Variants in SLC2A13 observed in about 807,000 individuals in gnomAD.
SLC2A13 encodes the protein solute carrier family 2 member 13.
A neutral mutation model predicts 64.4 loss-of-function variants in SLC2A13; 32 were observed. The observed-to-expected ratio is 0.50, with a 90% CI of 0.37 to 0.67. The LOEUF (loss-of-function observed/expected upper bound fraction) is 0.67, where lower values mean the gene tolerates loss of function less well. Ranked by LOEUF, SLC2A13 falls within the 30% of genes least tolerant of loss-of-function variation. The probability of loss-of-function intolerance (pLI) is 0.00; values close to 1 mark genes in which losing one functional copy is unlikely to be tolerated. For synonymous variants in SLC2A13, 338 were observed against 327.1 expected, an observed-to-expected ratio of 1.03 and a Z score of -0.36; for missense variants, 743 against 829.2, an observed-to-expected ratio of 0.90 and a Z score of 1.28.
chr12:40,056,190 A>G (rs1948330869), intron 1 of SLC2A13, among the ~76,000 whole-genome samples: 1 of 151,892 alleles, frequency 6.6e-6, no homozygotes. Context: ...CATACACATT[A>G]GAATGGGAAG....
At chr12:39,829,010 A>G (rs554880201) in intron 7 of SLC2A13, among the ~76,000 whole-genome samples, 67 of 152,298 alleles carry the variant, frequency 4.4e-4, no homozygotes, top group Non-Finnish European at 7.6e-4. Flanking sequence ...ATTATACTTT[A>G]TAGCTCCTAT....
intron 7 of SLC2A13, among the ~76,000 whole-genome samples, chr12:39,783,376 G>A (rs1341496743): frequency 6.6e-6 from 1 of 152,164 alleles, no homozygotes; most frequent in Non-Finnish European, 1.5e-5. Context: ...AATTCTTTGG[G>A]TATATACCCA....
chr12:40,017,438 C>G (rs1255938128), intron 3 of SLC2A13, among the ~76,000 whole-genome samples: 1 of 152,218 alleles, frequency 6.6e-6, no homozygotes, highest in African/African-American at 2.4e-5. Flanking sequence ...TCTCCCTCTT[C>G]TTTAAGGATT....
At chr12:39,825,267 T>C (rs757312253) in intron 7 of SLC2A13, among the ~76,000 whole-genome samples, 1 of 152,112 alleles carries the variant, frequency 6.6e-6, no homozygotes. Context: ...TTTGTATATA[T>C]GGAGAGTCAG....
chr12:39,945,909 T>TGGG (rs144325427), intron 4 of SLC2A13, among the ~76,000 whole-genome samples: 2 of 149,414 alleles, frequency 1.3e-5, no homozygotes, highest in African/African-American at 4.9e-5. Flanking sequence ...CGTGATTTTT[T>TGGG]GTGGGGGGGT....
intron 6 of SLC2A13, among the ~76,000 whole-genome samples, chr12:39,838,516 AAAAAG>A (rs1943087826): frequency 6.6e-6 from 1 of 151,718 alleles, no homozygotes; most frequent in African/African-American, 2.4e-5. Context: ...TAAAAAAAAA[AAAAAG>A]AAAGGGAGAA....
intron 9 of SLC2A13, among the ~76,000 whole-genome samples, chr12:39,763,439 T>C (rs1940237064): frequency 6.6e-6 from 1 of 152,118 alleles, no homozygotes; most frequent in South Asian, 2.1e-4. Flanking sequence ...TATTTATTCA[T>C]TTGACAAACA....
At chr12:40,031,126 T>A (rs968853427) in intron 2 of SLC2A13, among the ~76,000 whole-genome samples, 3 of 152,202 alleles carry the variant, frequency 2.0e-5, no homozygotes, top group Non-Finnish European at 4.4e-5. Context: ...AGATCAGAGC[T>A]TATATGACAG....
intron 3 of SLC2A13, among the ~76,000 whole-genome samples, chr12:39,974,726 A>G (rs1946731307): frequency 6.6e-6 from 1 of 152,242 alleles, no homozygotes; most frequent in Non-Finnish European, 1.5e-5. Flanking sequence ...GCATGGGGCA[A>G]TGATGAATAT....
chr12:40,042,424 G>A (rs1948103723), intron 2 of SLC2A13, among the ~76,000 whole-genome samples: 1 of 152,046 alleles, frequency 6.6e-6, no homozygotes, highest in African/African-American at 2.4e-5. Flanking sequence ...AAGTTTTCAG[G>A]TTCCTAGGGA....
In SLC2A13 at chr12:40,049,208, C is replaced by T. The variant is rs537672703; in HGVS notation, c.557-998G>A. 1.4e-5 allele frequency among the ~76,000 whole-genome samples: 2 copies of T among 147,506 alleles called. 1 individual carries two copies. The highest frequency in any genetic ancestry group is 5.1e-5 in the African/African-American group (2 of 39,116). On this transcript the variant is annotated intron_variant, in intron 1 of 9. Coordinates refer to ENST00000280871, the MANE Select transcript of SLC2A13 (RefSeq NM_052885.4). ...TGTATCTAATCAATACTTACCAAAGCCTCCATAAAAAAAAAAAGATTGCCT... is the reference window on the plus strand; with the variant it reads ...TGTATCTAATCAATACTTACCAAAGTCTCCATAAAAAAAAAAAGATTGCCT...
At chr12:40,061,780 G>T (rs1592049943) in intron 1 of SLC2A13, among the ~76,000 whole-genome samples, 1 of 150,362 alleles carries the variant, frequency 6.7e-6, no homozygotes, top group East Asian at 1.9e-4. Context: ...ACCCAAATGA[G>T]TTTGTGGGGG....
intron 4 of SLC2A13, among the ~76,000 whole-genome samples, chr12:39,876,201 G>A (rs924043701): frequency 1.3e-5 from 2 of 152,084 alleles, no homozygotes; most frequent in Non-Finnish European, 2.9e-5. Context: ...GGAAATCTAC[G>A]TGCATTGCTA....
intron 1 of SLC2A13, among the ~76,000 whole-genome samples, chr12:40,086,490 C>T (rs866450174): frequency 6.6e-6 from 1 of 152,168 alleles, no homozygotes; most frequent in Non-Finnish European, 1.5e-5. Context: ...ATCAAACAAG[C>T]TACATGTCTA....
chr12:39,787,630 A>C (rs1266818100), intron 7 of SLC2A13, among the ~76,000 whole-genome samples: 1 of 152,172 alleles, frequency 6.6e-6, no homozygotes, highest in Non-Finnish European at 1.5e-5. Context: ...ATCATGAATA[A>C]ACTTACTCAT....
intron 3 of SLC2A13, among the ~76,000 whole-genome samples, chr12:40,011,122 G>A (rs1947524429): frequency 6.6e-6 from 1 of 152,102 alleles, no homozygotes. Context: ...AACCTCCCAC[G>A]CCCGGTACCA....
At chr12:39,901,579 A>C (rs1381876409) in intron 4 of SLC2A13, among the ~76,000 whole-genome samples, 1 of 125,444 alleles carries the variant, frequency 8.0e-6, no homozygotes, top group Non-Finnish European at 1.7e-5. Flanking sequence ...CAGCCAAAAA[A>C]CACATGAAAA....
At chr12:39,953,723 T>A (rs528919173) in intron 3 of SLC2A13, among the ~76,000 whole-genome samples, 2 of 152,288 alleles carry the variant, frequency 1.3e-5, no homozygotes, top group African/African-American at 4.8e-5. Context: ...ACCAACTAGA[T>A]TAGAAATAAA....
intron 5 of SLC2A13, among the ~76,000 whole-genome samples, chr12:39,870,200 A>G (rs1944008814): frequency 6.6e-6 from 1 of 152,222 alleles, no homozygotes; most frequent in Non-Finnish European, 1.5e-5. Context: ...TTCTATTTAA[A>G]AAATAGACTT....
Sources: allele counts gnomAD v4.1 joint callset (sites outside exome capture counted in the v4.1 genomes callset), GRCh38; gene constraint gnomAD v4.1.1; transcripts MANE v1.5; gene names NCBI Gene and HGNC (gene_info 2026-07-23, HGNC 2026-07-21).